CCDC7: variants seen among roughly 807,000 people sequenced by gnomAD.
CCDC7 encodes coiled-coil domain containing 7.
A neutral mutation model predicts 196.9 loss-of-function variants in CCDC7; 183 were observed. The ratio of observed to expected loss-of-function variants is 0.93; its 90% confidence interval spans 0.82 to 1.05. The LOEUF (loss-of-function observed/expected upper bound fraction) is 1.05. CCDC7 is among the 50% of genes least tolerant of loss of function. The probability of loss-of-function intolerance (pLI) is 0.00; values close to 1 mark genes in which losing one functional copy is unlikely to be tolerated. For synonymous variants in CCDC7, 525 were observed against 484.6 expected, an observed-to-expected ratio of 1.08 and a Z score of -1.10; for missense variants, 1,540 against 1,482.2, an observed-to-expected ratio of 1.04 and a Z score of -0.64.
chr10:32,504,855 A>G (rs568045602), intron 9 of CCDC7, among the ~76,000 whole-genome samples: 1 of 152,330 alleles, frequency 6.6e-6, no homozygotes, highest in Admixed American at 6.5e-5. Context: ...TTTCATATTC[A>G]CTCAAGGAGA....
chr10:32,874,425 C>A (rs2094532238), intron 41 of CCDC7, among the ~76,000 whole-genome samples: 1 of 151,494 alleles, frequency 6.6e-6, no homozygotes, highest in Non-Finnish European at 1.5e-5. Context: ...TTTCATCCCT[C>A]ACCCACCTGT....
At position 32,573,726 on chromosome 10, in the gene CCDC7, T is replaced by C. The variant is rs1170527360; in HGVS notation, c.1454+1833T>C. 5.9e-5 allele frequency among the ~76,000 whole-genome samples: 9 copies of C among 152,128 alleles called. 1 individual carries two copies. The highest frequency in any genetic ancestry group is 1.5e-5 in the Non-Finnish European group (1 of 68,000). ...TATCAAATAATTCCTCTTAAATGCC[T>C]TTTTCCCCCTAGAAATGTTGATTGA... is the stretch of plus-strand genomic sequence containing the variant. On this transcript the variant is annotated intron_variant, in intron 16 of 41. Coordinates refer to ENST00000639629, the Ensembl canonical transcript of CCDC7.
intron 18 of CCDC7, among the ~76,000 whole-genome samples, chr10:32,628,478 A>G (rs2064368193): frequency 6.6e-6 from 1 of 151,550 alleles, no homozygotes; most frequent in Non-Finnish European, 1.5e-5. Flanking sequence ...GTTCTTTTGT[A>G]TTGATTTTTA....
exon 37 of CCDC7, chr10:32,846,397 A>C: frequency 6.3e-7 from 1 of 1,590,418 alleles, no homozygotes; most frequent in Non-Finnish European, 8.6e-7. Flanking sequence ...GAACTCTTAA[A>C]AGATGCTATT....
At chr10:32,873,499 A>G (rs946281467) in intron 41 of CCDC7, among the ~76,000 whole-genome samples, 9 of 151,908 alleles carry the variant, frequency 5.9e-5, no homozygotes, top group African/African-American at 2.2e-4. Flanking sequence ...TTTAGCTTGC[A>G]GTAGTTTGAT....
chr10:32,720,438 G>T (rs905543726), intron 25 of CCDC7, among the ~76,000 whole-genome samples: 3 of 152,116 alleles, frequency 2.0e-5, no homozygotes, highest in Non-Finnish European at 2.9e-5. Context: ...AGGGGGTCAA[G>T]GGGAGGGATA....
chr10:32,489,209 T>C (rs1434809635), intron 8 of CCDC7, among the ~76,000 whole-genome samples: 1 of 152,162 alleles, frequency 6.6e-6, no homozygotes, highest in Admixed American at 6.5e-5. Context: ...ATGTATGGAT[T>C]GACAGTGGCT....
At chr10:32,739,858 G>C (rs375122791) in intron 28 of CCDC7, among the ~76,000 whole-genome samples, 21 of 149,438 alleles carry the variant, frequency 1.4e-4, no homozygotes, top group East Asian at 5.9e-4. Context: ...CATTATTTTT[G>C]CCCCCCCCCA....
At chr10:32,683,608 GC>G (rs2076109603) in intron 21 of CCDC7, among the ~76,000 whole-genome samples, 1 of 152,178 alleles carries the variant, frequency 6.6e-6, no homozygotes, top group Non-Finnish European at 1.5e-5. Context: ...CTGTCTATGA[GC>G]ACGGAATGTT....
At position 32,805,013 on chromosome 10, in the gene CCDC7, A is replaced by T. The variant is rs749534823; in HGVS notation, c.3014-2A>T. 1.3e-6 allele frequency: 2 copies of T among 1,592,066 alleles called. No individual in the cohort carries two copies. The highest frequency in any genetic ancestry group is 1.3e-5 in the African/African-American group (1 of 74,542). On this transcript the variant is annotated splice_acceptor_variant, in intron 29 of 41. Transcript: ENST00000639629. LOFTEE classifies it high-confidence loss of function. ...TATTTTTAAATCCATCTATTTCTAT[A>T]GAGACTGATATAGAAAGCTTGAGAG...
intron 5 of CCDC7, among the ~76,000 whole-genome samples, chr10:32,467,268 AT>A (rs3030627): frequency 0.17 from 24,731 of 145,564 alleles, 3,441 homozygotes; most frequent in African/African-American, 0.4. Flanking sequence ...TGCCCGGCTA[AT>A]TTTTTTTTTT....
chr10:32,476,603 T>A (rs1166816772), intron 8 of CCDC7, among the ~76,000 whole-genome samples: 1 of 152,168 alleles, frequency 6.6e-6, no homozygotes, highest in East Asian at 1.9e-4. Context: ...AGTCATATAA[T>A]AAGAGTTGTT....
At chr10:32,460,388 C>T (rs2035371102) in intron 3 of CCDC7, among the ~76,000 whole-genome samples, 1 of 152,076 alleles carries the variant, frequency 6.6e-6, no homozygotes, top group African/African-American at 2.4e-5. Flanking sequence ...CTAGATTTAG[C>T]AGTATCAGTA....
chr10:32,461,540 A>G (rs2035613248), intron 3 of CCDC7, among the ~76,000 whole-genome samples: 1 of 151,696 alleles, frequency 6.6e-6, no homozygotes, highest in African/African-American at 2.4e-5. Flanking sequence ...ATTATATTTT[A>G]TATCTTGATT....
At chr10:32,463,859 A>G (rs1284740779) in intron 5 of CCDC7, among the ~76,000 whole-genome samples, 4 of 152,188 alleles carry the variant, frequency 2.6e-5, no homozygotes. Flanking sequence ...TTTAGGATAC[A>G]TTTGACTGAC....
intron 21 of CCDC7, among the ~76,000 whole-genome samples, chr10:32,676,601 C>A (rs2075021999): frequency 6.6e-6 from 1 of 151,982 alleles, no homozygotes; most frequent in Non-Finnish European, 1.5e-5. Flanking sequence ...TTTATGCAGC[C>A]AAAAAACACA....
chr10:32,602,957 G>A (rs1428507012), intron 18 of CCDC7, among the ~76,000 whole-genome samples: 1 of 152,072 alleles, frequency 6.6e-6, no homozygotes, highest in Non-Finnish European at 1.5e-5. Flanking sequence ...CTTTGTGTGG[G>A]AACATTTTAA....
intron 31 of CCDC7, among the ~76,000 whole-genome samples, chr10:32,821,413 A>G (rs2090162713): frequency 6.6e-6 from 1 of 152,294 alleles, no homozygotes; most frequent in East Asian, 1.9e-4. Flanking sequence ...GCGATTCTTC[A>G]GGGATCTAGA....
At chr10:32,773,814 T>A (rs1016962967) in intron 28 of CCDC7, among the ~76,000 whole-genome samples, 1 of 152,168 alleles carries the variant, frequency 6.6e-6, no homozygotes, top group Non-Finnish European at 1.5e-5. Flanking sequence ...TAGGTCTTTA[T>A]TGCTTAATAC....
Sources: gnomAD v4.1 joint callset for allele counts (sites outside exome capture counted in the v4.1 genomes callset) on GRCh38, gnomAD v4.1.1 for gene constraint, MANE v1.5 for transcripts, NCBI Gene and HGNC (gene_info 2026-07-23, HGNC 2026-07-21) for gene names.